ADGRB3: variants seen among roughly 807,000 people sequenced by gnomAD.
ADGRB3 encodes the protein brain-specific angiogenesis inhibitor 3.
In ADGRB3, 37 loss-of-function variants were observed where a neutral mutation model predicts 193.4. The observed-to-expected ratio is 0.19, with a 90% confidence interval of 0.15 to 0.25. The LOEUF (loss-of-function observed/expected upper bound fraction) is 0.25, where lower values mean the gene tolerates loss of function less well. Among genes scored for constraint, ADGRB3 ranks in the 10% least tolerant of loss-of-function variants. The probability of loss-of-function intolerance (pLI) is 1.00; values close to 1 mark genes in which losing one functional copy is unlikely to be tolerated. For synonymous variants in ADGRB3, 690 were observed against 644.2 expected (o/e 1.07, Z -1.08); for missense variants, 1,637 against 1,852.9 (o/e 0.88, Z 2.14).
intron 10 of ADGRB3, among the ~76,000 whole-genome samples, chr6:68,991,893 C>G (rs1443318650): frequency 1.3e-5 from 2 of 152,106 alleles, no homozygotes; most frequent in Non-Finnish European, 2.9e-5. Flanking sequence ...AACTCAATTA[C>G]ATAAATAATA....
At chr6:69,077,086 G>T (rs1377705826) in intron 17 of ADGRB3, among the ~76,000 whole-genome samples, 1 of 151,922 alleles carries the variant, frequency 6.6e-6, no homozygotes, top group Non-Finnish European at 1.5e-5. Flanking sequence ...CATACTCTGG[G>T]TATCCTTTAC....
At position 69,182,226 on chromosome 6, in the gene ADGRB3, G is replaced by C. The variant is rs549859316; in HGVS notation, c.2481-51064G>C. 1.4e-4 allele frequency among the ~76,000 whole-genome samples: 21 copies of C among 152,196 alleles called. No homozygotes were observed. The East Asian group carries it at 3.9e-3, about 28-fold the overall frequency. Reference sequence around the variant, plus strand: ...AAGTAAACATAAACTATGGCATAGAGAAAAATTGCAGAGTAGAGTATGAAG... The same window carrying C: ...AAGTAAACATAAACTATGGCATAGACAAAAATTGCAGAGTAGAGTATGAAG... On this transcript the variant is annotated intron_variant, in intron 17 of 31. Coordinates refer to ENST00000370598, the MANE Select transcript of ADGRB3 (RefSeq NM_001704.3).
At chr6:69,096,246 A>T (rs1772872626) in intron 17 of ADGRB3, among the ~76,000 whole-genome samples, 1 of 152,050 alleles carries the variant, frequency 6.6e-6, no homozygotes, top group Non-Finnish European at 1.5e-5. Context: ...TACCATTTTT[A>T]TATTGTGATG....
intron 3 of ADGRB3, among the ~76,000 whole-genome samples, chr6:68,805,918 C>T (rs1160545920): frequency 6.6e-6 from 1 of 152,114 alleles, no homozygotes; most frequent in Non-Finnish European, 1.5e-5. Flanking sequence ...GAATTTTTAA[C>T]TCCCAAGAAT....
chr6:69,375,320 A>G (rs1398160984), intron 30 of ADGRB3, among the ~76,000 whole-genome samples: 2 of 152,114 alleles, frequency 1.3e-5, no homozygotes, highest in African/African-American at 4.8e-5. Flanking sequence ...GGTGAAGTAG[A>G]AATACCAATT....
chr6:69,349,523 T>C (rs908895043), intron 26 of ADGRB3, among the ~76,000 whole-genome samples: 3 of 152,206 alleles, frequency 2.0e-5, no homozygotes, highest in African/African-American at 4.8e-5. Flanking sequence ...GTGAAGTCAC[T>C]CATAATTCAT....
At chr6:69,051,705 T>C (rs958052112) in intron 15 of ADGRB3, among the ~76,000 whole-genome samples, 2 of 152,140 alleles carry the variant, frequency 1.3e-5, no homozygotes, top group Non-Finnish European at 2.9e-5. Flanking sequence ...CTGCACCAAT[T>C]ATAGGTCTGC....
chr6:69,295,586 C>T (rs1388342215), intron 20 of ADGRB3, among the ~76,000 whole-genome samples: 1 of 152,074 alleles, frequency 6.6e-6, no homozygotes, highest in Non-Finnish European at 1.5e-5. Context: ...TGTTTTTATA[C>T]CATAAACCCA....
At chr6:68,936,449 G>C (rs1767487958) in intron 4 of ADGRB3, 70 bp from the exon 5 acceptor site, 1 of 1,436,072 alleles carries the variant, frequency 7.0e-7, no homozygotes, top group Admixed American at 2.0e-5. Context: ...CATAATGTCA[G>C]TTTGGTATAA....
At chr6:69,275,545 A>T (rs1767283702) in intron 20 of ADGRB3, among the ~76,000 whole-genome samples, 1 of 151,958 alleles carries the variant, frequency 6.6e-6, no homozygotes, top group Non-Finnish European at 1.5e-5. Context: ...TCCTCTTTTC[A>T]TCAAGACATA....
chr6:68,845,447 G>A (rs551911114), intron 3 of ADGRB3, among the ~76,000 whole-genome samples: 3 of 152,054 alleles, frequency 2.0e-5, no homozygotes, highest in Admixed American at 6.6e-5. Context: ...GATTTCTGAT[G>A]TCTGGCTTCT....
chr6:68,770,964 ATT>A lies in ADGRB3; in HGVS notation c.757+131533_757+131534del, dbSNP rs556048447. Reference sequence around the variant, plus strand: ...TAGTATCTCTGAGCTGCCTCTTAGCATTATTATCAATTTGGAAAAGTGGTATT... The same window carrying A: ...TAGTATCTCTGAGCTGCCTCTTAGCAATTATCAATTTGGAAAAGTGGTATT... On this transcript the variant is annotated intron_variant, in intron 3 of 31. Transcript: ENST00000370598. 3.0e-3 allele frequency among the ~76,000 whole-genome samples: 452 copies of A among 152,174 alleles called. 4 individuals carry two copies. The highest frequency in any genetic ancestry group is 0.011 in the African/African-American group (440 of 41,534).
intron 17 of ADGRB3, among the ~76,000 whole-genome samples, chr6:69,187,262 A>G (rs1420376865): frequency 1.3e-5 from 2 of 152,192 alleles, no homozygotes; most frequent in Non-Finnish European, 2.9e-5. Context: ...TAATTTTAAA[A>G]TGTGAAAAAT....
intron 17 of ADGRB3, among the ~76,000 whole-genome samples, chr6:69,206,030 A>C (rs1452173616): frequency 7.9e-6 from 1 of 125,928 alleles, no homozygotes; most frequent in Non-Finnish European, 1.6e-5. Context: ...AGAGAGAATA[A>C]TATATATAAT....
At chr6:69,104,846 A>G (rs79803582) in intron 17 of ADGRB3, among the ~76,000 whole-genome samples, 2,832 of 152,278 alleles carry the variant, frequency 0.019, 23 homozygotes, top group Non-Finnish European at 0.028. Flanking sequence ...TTTCAAAAAC[A>G]TATGTGTATT....
chr6:68,971,273 A>G (rs1483619475), intron 8 of ADGRB3, among the ~76,000 whole-genome samples: 3 of 152,200 alleles, frequency 2.0e-5, no homozygotes, highest in African/African-American at 4.8e-5. Context: ...TAGCATTTAC[A>G]TTGAGTTAAA....
intron 20 of ADGRB3, among the ~76,000 whole-genome samples, chr6:69,316,566 A>G (rs534167782): frequency 6.6e-6 from 1 of 151,610 alleles, no homozygotes; most frequent in East Asian, 1.9e-4. Flanking sequence ...TTTTAGATCT[A>G]GGAAAGCCTT....
In ADGRB3 at chr6:68,831,409, G is replaced by C. The variant is rs529327251; in HGVS notation, c.758-99150G>C. Among the ~76,000 whole-genome samples, 7 of 151,904 alleles carry C rather than the reference G, an allele frequency of 4.6e-5. No individual in the cohort carries two copies. In the South Asian group the frequency reaches 1.5e-3, roughly 32 times the overall value. On this transcript the variant is annotated intron_variant, in intron 3 of 31. Transcript: ENST00000370598. ...TTTTAGGTGGAAAAGTCTTTCAGCA[G>C]TTGAGAAAAGGAGTGTAGAGCTTAA...
chr6:68,765,647 T>G (rs1007710501), intron 3 of ADGRB3, among the ~76,000 whole-genome samples: 2 of 151,920 alleles, frequency 1.3e-5, no homozygotes, highest in Non-Finnish European at 2.9e-5. Context: ...GCAAGGGTCT[T>G]GTCTTATTAT....
Sources: allele counts gnomAD v4.1 joint callset (sites outside exome capture counted in the v4.1 genomes callset), GRCh38; gene constraint gnomAD v4.1.1; transcripts MANE v1.5; gene names NCBI Gene and HGNC (gene_info 2026-07-23, HGNC 2026-07-21).